The following GID4 variants were observed in gnomAD, a reference collection of about 807,000 sequenced individuals.
GID4 encodes the protein GID complex subunit 4 homolog.
A neutral mutation model predicts 32.4 loss-of-function variants in GID4; 7 were observed. That is an observed-to-expected ratio of 0.22 (90% confidence interval 0.12 to 0.41). GID4 has a LOEUF of 0.41. Among genes scored for constraint, GID4 ranks in the 10% least tolerant of loss-of-function variants. The pLI is 1.00. For missense variants in GID4, 309 were observed against 400.0 expected (o/e 0.77, Z 1.94); for synonymous variants, 166 against 170.0 (o/e 0.98, Z 0.18).
At position 18,061,261 on chromosome 17, in the gene GID4, G is replaced by A. The variant is rs1431360391; in HGVS notation, c.709-584G>A. Among the ~76,000 whole-genome samples the A allele has an allele frequency of 2.0e-5, 3 of 152,162 alleles. No individual in the cohort carries two copies. Among genetic ancestry groups the A allele is most frequent in the African/African-American group, 7.2e-5 (3 of 41,432 alleles). ...CCTGGGTTTCCAGCTTTCAGCTCCAGCAGAGGTGGCAAGCTTGCCTCTCTC... is the reference window on the plus strand; with the variant it reads ...CCTGGGTTTCCAGCTTTCAGCTCCAACAGAGGTGGCAAGCTTGCCTCTCTC... On this transcript the variant is annotated intron_variant, in intron 4 of 5. Coordinates refer to ENST00000268719, the MANE Select transcript of GID4 (RefSeq NM_024052.5). This position sits in a 1 kb window ranked among gnomAD's most constrained non-coding sequence, Gnocchi z 4.4.
chr17:18,064,671 G>A (rs988525597), intron 5 of GID4, among the ~76,000 whole-genome samples: 3 of 152,104 alleles, frequency 2.0e-5, no homozygotes, highest in African/African-American at 4.8e-5. Context: ...GCCTAATACC[G>A]TACCTAGGAA....
chr17:18,064,334 T>C (rs778651242), intron 5 of GID4, among the ~76,000 whole-genome samples: 1 of 152,252 alleles, frequency 6.6e-6, no homozygotes, highest in Admixed American at 6.5e-5. Context: ...CTTGTTATCA[T>C]GTCTCTATAA....
intron 1 of GID4, among the ~76,000 whole-genome samples, chr17:18,041,505 C>A (rs1228538812): frequency 1.3e-5 from 2 of 152,174 alleles, no homozygotes; most frequent in Non-Finnish European, 2.9e-5. Flanking sequence ...AATGGAAATA[C>A]GATTGTGGCT....
rs1260041546 is a variant in GID4, at chr17:18,056,642, G to T, written c.607-2226G>T. On this transcript the variant is annotated intron_variant, in intron 3 of 5. Transcript: ENST00000268719. ...CCCAGTGACACTCAGTTTTAGGCTA[G>T]GTTGACTACAAATTAAATACTTGGA... 2.0e-6 allele frequency: 3 copies of T among 1,506,824 alleles called. No individual in the cohort carries two copies. In the African/African-American group the frequency reaches 4.2e-5, roughly 21 times the overall value. 93.3% of individuals were successfully genotyped at this position (1,506,824 alleles called of 1,614,324 possible).
intron 2 of GID4, among the ~76,000 whole-genome samples, chr17:18,051,416 T>C (rs980050831): frequency 7.2e-5 from 11 of 152,200 alleles, no homozygotes; most frequent in Admixed American, 2.6e-4. Context: ...AGTTGGCTGA[T>C]GCCTGTAATC....
intron 3 of GID4, among the ~76,000 whole-genome samples, chr17:18,057,675 T>A (rs2145568604): frequency 6.6e-6 from 1 of 152,288 alleles, no homozygotes; most frequent in South Asian, 2.1e-4. Flanking sequence ...TGTCTTTTTT[T>A]TAAAAAATGG....
chr17:18,057,133 T>A (rs909306298), intron 3 of GID4: 1 of 1,373,868 alleles, frequency 7.3e-7, no homozygotes, highest in African/African-American at 1.5e-5. Flanking sequence ...CTACATAGGA[T>A]AAAAATGTCT....
intron 1 of GID4, among the ~76,000 whole-genome samples, chr17:18,041,695 C>G (rs918845259): frequency 1.3e-5 from 2 of 152,116 alleles, no homozygotes; most frequent in African/African-American, 2.4e-5. Context: ...CCCTGTTGTT[C>G]AGTTTGATGG....
intron 5 of GID4, among the ~76,000 whole-genome samples, chr17:18,063,478 C>T (rs933816600): frequency 6.6e-6 from 1 of 152,166 alleles, no homozygotes; most frequent in African/African-American, 2.4e-5. Flanking sequence ...AAGTTTAGAA[C>T]ATTTTCATCA....
intron 3 of GID4, 41 bp downstream of exon 3, chr17:18,054,275 TAG>T: frequency 8.1e-7 from 1 of 1,236,568 alleles, no homozygotes. Flanking sequence ...TAGGGGCTGC[TAG>T]AGAATTGAAG....
chr17:18,048,642 A>T (rs1026626048), intron 2 of GID4, among the ~76,000 whole-genome samples: 7 of 151,256 alleles, frequency 4.6e-5, no homozygotes, highest in Non-Finnish European at 7.4e-5. Flanking sequence ...TCAATTTTTT[A>T]TTTTTATTTT....
At chr17:18,054,885 G>A (rs928064770) in intron 3 of GID4, among the ~76,000 whole-genome samples, 1 of 152,066 alleles carries the variant, frequency 6.6e-6, no homozygotes, top group African/African-American at 2.4e-5. Flanking sequence ...AAAAATCAGT[G>A]TCTCGGCTGG....
chr17:18,045,011 A>G, intron 1 of GID4, 136 bp from the exon 2 acceptor site: 2 of 574,958 alleles, frequency 3.5e-6, no homozygotes, highest in Non-Finnish European at 3.2e-6. Context: ...AAGATTCCAG[A>G]GACTGGGTGA....
At chr17:18,048,327 C>T (rs1189871596) in intron 2 of GID4, among the ~76,000 whole-genome samples, 4 of 152,138 alleles carry the variant, frequency 2.6e-5, no homozygotes, top group Non-Finnish European at 5.9e-5. Context: ...TCCCGAGTAG[C>T]TGGGATTACA....
rs2045061032 is a variant in GID4, at chr17:18,066,262, A to G, written c.*1019A>G. The G allele has an allele frequency of 6.6e-6, 1 of 152,578 alleles. No homozygotes were observed. The highest frequency in any genetic ancestry group is 1.5e-5 in the Non-Finnish European group (1 of 68,044). The allele number at this position is 152,578 out of a possible 1,614,324, so 9.5% of individuals were successfully genotyped here. On this transcript the variant is annotated 3_prime_UTR_variant, in exon 6 of 6. Coordinates refer to ENST00000268719, the MANE Select transcript of GID4 (RefSeq NM_024052.5). ...CTAAATTATAGTGCTCAACACAAGA[A>G]CTGTTTTTGGGGCCAGTTTAGCATT...
rs936822667 is a variant in GID4 at position 18,067,293 on chromosome 17, G to T, written c.*2050G>T. The T allele has an allele frequency of 6.6e-6, 1 of 152,346 alleles. No homozygotes were observed. The highest frequency in any genetic ancestry group is 2.4e-5 in the African/African-American group (1 of 41,458). 9.4% of individuals were successfully genotyped at this position (152,346 alleles called of 1,614,324 possible). ...TCCCCTTGGAGCACTGAGTCCGGAG[G>T]TCATCCCTGAGCTCATCCACGGCTC... is the stretch of plus-strand genomic sequence containing the variant. On this transcript the variant is annotated 3_prime_UTR_variant, in exon 6 of 6. Coordinates refer to ENST00000268719, the MANE Select transcript of GID4 (RefSeq NM_024052.5).
chr17:18,057,548 A>G (rs935180388), intron 3 of GID4: 8 of 153,410 alleles, frequency 5.2e-5, no homozygotes, highest in African/African-American at 1.2e-4. Flanking sequence ...GTTTAAAAAT[A>G]TTTGAAAAAA....
At chr17:18,041,897 G>T (rs569661927) in intron 1 of GID4, among the ~76,000 whole-genome samples, 1 of 152,380 alleles carries the variant, frequency 6.6e-6, no homozygotes, top group East Asian at 1.9e-4. Flanking sequence ...AGGCAGCCCA[G>T]AGCAGAAACC....
chr17:18,041,723 G>C (rs1463040290), intron 1 of GID4, among the ~76,000 whole-genome samples: 1 of 152,170 alleles, frequency 6.6e-6, no homozygotes, highest in African/African-American at 2.4e-5. Context: ...TGTAGTAGGG[G>C]ACAATTGGCA....
Sources: allele counts gnomAD v4.1 joint callset (sites outside exome capture counted in the v4.1 genomes callset), GRCh38; gene constraint gnomAD v4.1.1; non-coding constraint Gnocchi (gnomAD v3.1); transcripts MANE v1.5; gene names NCBI Gene and HGNC (gene_info 2026-07-23, HGNC 2026-07-21).